Variants in TMED3 observed in about 807,000 individuals in gnomAD.
TMED3 encodes the protein transmembrane emp24 domain-containing protein 3.
In TMED3, 9 loss-of-function variants were observed where a neutral mutation model predicts 15.0. The ratio of observed to expected loss-of-function variants is 0.60; its 90% confidence interval spans 0.36 to 1.04. TMED3 has a LOEUF of 1.04. Ranked by LOEUF, TMED3 falls within the 50% of genes least tolerant of loss-of-function variation. The probability of loss-of-function intolerance (pLI) is 0.01; values close to 1 mark genes in which losing one functional copy is unlikely to be tolerated. For missense variants in TMED3, 267 were observed against 278.9 expected (o/e 0.96, Z 0.30); for synonymous variants, 117 against 121.4 (o/e 0.96, Z 0.24).
chr15:79,405,767 A>G (rs889314893), intron 2 of TMED3, among the ~76,000 whole-genome samples: 1 of 152,190 alleles, frequency 6.6e-6, no homozygotes, highest in Non-Finnish European at 1.5e-5. Context: ...GTGGGCCATC[A>G]TGATGCTTTG....
intron 2 of TMED3, among the ~76,000 whole-genome samples, chr15:79,408,375 G>A (rs999654695): frequency 6.6e-6 from 1 of 152,232 alleles, no homozygotes; most frequent in African/African-American, 2.4e-5. Flanking sequence ...GAGACCTATA[G>A]CATCTATGAT....
intron 2 of TMED3, among the ~76,000 whole-genome samples, chr15:79,327,944 A>G (rs1168200528): frequency 1.3e-5 from 2 of 152,188 alleles, no homozygotes; most frequent in African/African-American, 4.8e-5. Flanking sequence ...ATCTTTTTCT[A>G]TGTGTTTGGG....
intron 2 of TMED3, among the ~76,000 whole-genome samples, chr15:79,348,174 A>T (rs1484783720): frequency 6.6e-6 from 1 of 152,196 alleles, no homozygotes; most frequent in Non-Finnish European, 1.5e-5. Context: ...TGAAGAGGGC[A>T]CAGTGCCCTC....
chr15:79,411,050 G>T (rs1012222308), intron 2 of TMED3, among the ~76,000 whole-genome samples: 1 of 152,176 alleles, frequency 6.6e-6, no homozygotes, highest in South Asian at 2.1e-4. Context: ...GAAATTTTCA[G>T]AATTCCAGAA....
At position 79,329,286 on chromosome 15, in the gene TMED3, A is replaced by G. The variant is rs549941825; in HGVS notation, c.417+15281A>G. Among the ~76,000 whole-genome samples the G allele has an allele frequency of 1.6e-4, 24 of 152,330 alleles. No homozygotes were observed. The East Asian group carries it at 4.1e-3, about 26-fold the overall frequency. ...CATGGGAGCATGACTCACAGCCCCA[A>G]ACAGCTAGACTGCAGGGGATACAAC... On this transcript the variant is annotated intron_variant, in intron 2 of 2. Transcript: ENST00000424155.
chr15:79,323,733 C>T (rs2141219373), downstream of TMED3, among the ~76,000 whole-genome samples: 1 of 152,248 alleles, frequency 6.6e-6, no homozygotes, highest in South Asian at 2.1e-4. Flanking sequence ...TACTAAAACT[C>T]ACGTTGTCTT....
intron 2 of TMED3, among the ~76,000 whole-genome samples, chr15:79,335,286 T>G (rs2058823153): frequency 7.8e-6 from 1 of 128,648 alleles, no homozygotes; most frequent in Admixed American, 8.1e-5. Flanking sequence ...ATTCCTGGGC[T>G]TCTGGGAAAA....
intron 2 of TMED3, among the ~76,000 whole-genome samples, chr15:79,379,772 G>A (rs1230834885): frequency 6.6e-6 from 1 of 152,134 alleles, no homozygotes; most frequent in Non-Finnish European, 1.5e-5. Context: ...TTTAATGAAA[G>A]TGTATAAATG....
At chr15:79,376,562 C>T (rs1893430520) in intron 2 of TMED3, among the ~76,000 whole-genome samples, 1 of 152,090 alleles carries the variant, frequency 6.6e-6, no homozygotes, top group Non-Finnish European at 1.5e-5. Context: ...GAGTGTGTTA[C>T]CCAGAGCAGA....
At chr15:79,392,757 T>A (rs8030782) in intron 2 of TMED3, among the ~76,000 whole-genome samples, 15,064 of 152,290 alleles carry the variant, frequency 0.099, 868 homozygotes, top group Admixed American at 0.14. Context: ...GAGAAGTAAT[T>A]TGAGGCCTTC....
intron 2 of TMED3, among the ~76,000 whole-genome samples, chr15:79,356,310 G>A (rs940383416): frequency 6.6e-6 from 1 of 152,184 alleles, no homozygotes; most frequent in Non-Finnish European, 1.5e-5. Flanking sequence ...TAGCGACAGG[G>A]TGGGGTTTGT....
At chr15:79,364,231 G>T (rs1893185711) in intron 2 of TMED3, among the ~76,000 whole-genome samples, 1 of 152,154 alleles carries the variant, frequency 6.6e-6, no homozygotes, top group African/African-American at 2.4e-5. Context: ...CGAATTCCTG[G>T]TGGCTCCACC....
intron 2 of TMED3, among the ~76,000 whole-genome samples, chr15:79,356,611 G>T (rs1166557253): frequency 6.6e-6 from 1 of 152,186 alleles, no homozygotes; most frequent in African/African-American, 2.4e-5. Context: ...GTGCAGTGCT[G>T]TGATGGAGAT....
intron 2 of TMED3, among the ~76,000 whole-genome samples, chr15:79,394,275 C>G (rs1007622295): frequency 3.3e-5 from 5 of 152,152 alleles, no homozygotes; most frequent in African/African-American, 1.2e-4. Flanking sequence ...TCCCCATAGA[C>G]TGTCAGAAAA....
intron 2 of TMED3, among the ~76,000 whole-genome samples, chr15:79,329,696 C>T (rs35019481): frequency 0.15 from 22,451 of 152,180 alleles, 2,071 homozygotes; most frequent in South Asian, 0.25. Flanking sequence ...TAAAAGCAGA[C>T]AGCATGAGAG....
chr15:79,321,956 C>A (rs201848958), intron 2 of TMED3, 22 bp from the exon 3 acceptor site: 48 of 1,611,218 alleles, frequency 3.0e-5, no homozygotes, highest in Non-Finnish European at 3.9e-5. Context: ...AGCAGTGTGA[C>A]TGCTTTTCTC....
At chr15:79,400,469 G>A (rs1333393752) in intron 2 of TMED3, among the ~76,000 whole-genome samples, 2 of 152,076 alleles carry the variant, frequency 1.3e-5, no homozygotes, top group African/African-American at 2.4e-5. Flanking sequence ...GAACATTGAC[G>A]GCTTAGCACA....
At chr15:79,367,143 C>A (rs1264193176) in intron 2 of TMED3, among the ~76,000 whole-genome samples, 5 of 152,108 alleles carry the variant, frequency 3.3e-5, no homozygotes, top group African/African-American at 9.7e-5. Context: ...AGGTGGAGAC[C>A]TAAAGGCATC....
rs533975977 is a variant in TMED3 at position 79,348,903 on chromosome 15, C to T, written c.417+34898C>T. ...CTGGAGTACAGTGGTGCTATCATGG[C>T]TTATTGAAGCCTAGAACTCCCAGGT... On this transcript the variant is annotated intron_variant, in intron 2 of 2. Transcript: ENST00000424155. Among the ~76,000 whole-genome samples, 55 of 152,288 alleles carry T rather than the reference C, an allele frequency of 3.6e-4. No individual in the cohort carries two copies. In the South Asian group the frequency reaches 0.011, roughly 30 times the overall value.
Sources: gnomAD v4.1 joint callset for allele counts (sites outside exome capture counted in the v4.1 genomes callset) on GRCh38, gnomAD v4.1.1 for gene constraint, MANE v1.5 for transcripts, NCBI Gene and HGNC (gene_info 2026-07-23, HGNC 2026-07-21) for gene names.